CFAP47: variants seen among roughly 807,000 people sequenced by gnomAD.
CFAP47 encodes the protein cilia- and flagella-associated protein 47.
A neutral mutation model predicts 148.1 loss-of-function variants in CFAP47; 29 were observed. The observed-to-expected ratio is 0.20, with a 90% confidence interval of 0.15 to 0.27. The LOEUF (loss-of-function observed/expected upper bound fraction) is 0.27. Ranked by LOEUF, CFAP47 falls within the 10% of genes least tolerant of loss-of-function variation. The pLI, the probability that CFAP47 is intolerant of heterozygous loss-of-function variation, is 1.00. For synonymous variants in CFAP47, 664 were observed against 577.3 expected (o/e 1.15, Z -2.15); for missense variants, 1,872 against 1,697.5 (o/e 1.10, Z -1.81).
intron 42 of CFAP47, among the ~76,000 whole-genome samples, chrX:36,197,448 T>G (rs187900177): frequency 8.9e-6 from 1 of 112,512 alleles, no homozygotes; most frequent in African/African-American, 3.2e-5. Flanking sequence ...ACATTTTATT[T>G]TTGATAAAAC....
chrX:36,111,243 A>G (rs905195312), intron 33 of CFAP47, among the ~76,000 whole-genome samples: 10 of 111,470 alleles, frequency 9.0e-5, no homozygotes, highest in Non-Finnish European at 1.5e-4. Flanking sequence ...TGGGTTTAAT[A>G]TAGAGAGCTC....
Position 35,953,687 on chromosome X carries a change from T to G in CFAP47, c.1142T>G (p.Phe381Cys), listed in dbSNP as rs887277046. The change falls in exon 7 of 64, where the codon TTT becomes TGT. Residue 381 changes from phenylalanine to cysteine, a missense_variant. Physicochemically the swap from Phe to Cys is radical, Grantham distance 205. Transcript: ENST00000378653. ...RFESVGSKDG[F>C]LRDDDYKTIK... ...GAGTCCGTAGGAAGTAAAGATGGAT[T>G]TTTGAGAGATGATGACTATAAAACC... 6.7e-6 allele frequency: 8 copies of G among 1,201,327 alleles called. No individual in the cohort carries two copies. The highest frequency in any genetic ancestry group is 7.9e-6 in the Non-Finnish European group (7 of 887,562).
At chrX:36,166,042 C>A (rs1939485223) in intron 39 of CFAP47, among the ~76,000 whole-genome samples, 1 of 111,274 alleles carries the variant, frequency 9.0e-6, no homozygotes, top group Non-Finnish European at 1.9e-5. Flanking sequence ...AAGTATATAT[C>A]TATAGTTTTT....
At chrX:36,319,683 TA>T (rs1234553596) in intron 57 of CFAP47, among the ~76,000 whole-genome samples, 1 of 111,297 alleles carries the variant, frequency 9.0e-6, no homozygotes, top group African/African-American at 3.3e-5. Context: ...TTGATAGTAA[TA>T]AAAAGTAGTA....
At chrX:35,945,443 T>C (rs1936071504) in intron 3 of CFAP47, among the ~76,000 whole-genome samples, 1 of 111,046 alleles carries the variant, frequency 9.0e-6, no homozygotes, top group South Asian at 3.8e-4. Flanking sequence ...CTTCACTGAC[T>C]ACTCCTAGAT....
At chrX:36,208,557 A>G (rs782031293) in intron 45 of CFAP47, among the ~76,000 whole-genome samples, 12 of 111,994 alleles carry the variant, frequency 1.1e-4, no homozygotes, top group East Asian at 2.8e-4. Flanking sequence ...GTGTTGTTCA[A>G]TGGTCAACTG....
At chrX:36,370,859 C>T (rs781948434) in intron 62 of CFAP47, among the ~76,000 whole-genome samples, 4 of 110,986 alleles carry the variant, frequency 3.6e-5, no homozygotes, top group South Asian at 3.8e-4. Flanking sequence ...TGAAAAGGAA[C>T]GACCCCCTGT....
chrX:36,343,692 C>T (rs1941671987), intron 57 of CFAP47, among the ~76,000 whole-genome samples: 1 of 111,710 alleles, frequency 9.0e-6, no homozygotes, highest in African/African-American at 3.3e-5. Context: ...AAATGCCCAT[C>T]AATGATAGAT....
intron 29 of CFAP47, among the ~76,000 whole-genome samples, chrX:36,083,487 A>G (rs980091662): frequency 4.5e-5 from 5 of 111,680 alleles, no homozygotes; most frequent in Non-Finnish European, 7.6e-5. Context: ...TTCATACTGT[A>G]AACAGTGTCC....
chrX:36,098,764 T>TA (rs1938322529), intron 30 of CFAP47, 29 bp from the exon 31 acceptor site: 2 of 843,126 alleles, frequency 2.4e-6, no homozygotes, highest in Non-Finnish European at 3.4e-6. Context: ...TATTATATTA[T>TA]AATTTGAGTT....
Position 36,137,959 on chromosome X carries a change from T to C in CFAP47, c.5322T>C (p.Asp1774=), listed in dbSNP as rs373146541. 8.9e-6 allele frequency: 6 copies of C among 675,184 alleles called. No homozygotes were observed. In the African/African-American group the frequency reaches 1.3e-4, roughly 15 times the overall value. The allele number at this position is 675,184 out of a possible 1,213,427, so 55.6% of individuals were successfully genotyped here. ...RHVIWKNCHK[D]VIPSERWIVN... ...TACTCTCCCTCTTTTTTGAAACAGA[T>C]GTTATCCCTTCTGAGAGATGGATAG... Residue 1774 remains aspartate, a splice_region_variant and synonymous_variant, in exon 34 of 64, where the codon GAT becomes GAC. Transcript: ENST00000378653.
intron 20 of CFAP47, among the ~76,000 whole-genome samples, chrX:36,000,900 C>T (rs1447859678): frequency 9.0e-6 from 1 of 111,378 alleles, no homozygotes; most frequent in Non-Finnish European, 1.9e-5. Flanking sequence ...CAAATATGAG[C>T]CATCACCTGT....
At chrX:35,973,432 G>A (rs1022358175) in intron 13 of CFAP47, among the ~76,000 whole-genome samples, 3 of 111,388 alleles carry the variant, frequency 2.7e-5, no homozygotes, top group East Asian at 2.8e-4. Flanking sequence ...CTCGTGATCC[G>A]CCCGCCTCGG....
At position 36,160,590 on chromosome X, in the gene CFAP47, C is replaced by T. The variant is rs183785021; in HGVS notation, c.5938-91C>T. ...TACTGTCAGTGTAATATTAAATGGA[C>T]GGTTTATAGATTTTTAAGATTATAT... On this transcript the variant is annotated intron_variant, in intron 38 of 63. Coordinates refer to ENST00000378653, the MANE Select transcript of CFAP47 (RefSeq NM_001304548.2). 1.9e-3 allele frequency: 503 copies of T among 270,989 alleles called. 4 individuals carry two copies. Among genetic ancestry groups the T allele is most frequent in the African/African-American group, 0.012 (445 of 35,616 alleles). The allele number at this position is 270,989 out of a possible 1,213,427, so 22.3% of individuals were successfully genotyped here.
intron 45 of CFAP47, among the ~76,000 whole-genome samples, chrX:36,215,430 G>A (rs782379911): frequency 9.1e-6 from 1 of 110,352 alleles, no homozygotes; most frequent in African/African-American, 3.3e-5. Context: ...CTGAGCATGG[G>A]GGCAGGTCTG....
At chrX:36,070,111 A>T (rs1490664092) in intron 27 of CFAP47, among the ~76,000 whole-genome samples, 1 of 112,031 alleles carries the variant, frequency 8.9e-6, no homozygotes, top group East Asian at 2.8e-4. Context: ...TTGACTACAG[A>T]GTCTCAGGCA....
At chrX:35,953,012 G>A (rs1181582129) in intron 6 of CFAP47, among the ~76,000 whole-genome samples, 1 of 111,935 alleles carries the variant, frequency 8.9e-6, no homozygotes, top group Admixed American at 9.6e-5. Flanking sequence ...GGTAAAAATA[G>A]CCAATGAGCA....
intron 2 of CFAP47, among the ~76,000 whole-genome samples, chrX:35,933,985 T>C (rs992042062): frequency 8.9e-6 from 1 of 111,823 alleles, no homozygotes; most frequent in African/African-American, 3.3e-5. Flanking sequence ...CTTTGACAGA[T>C]GTGTAGTTTG....
chrX:36,293,004 T>C (rs966645870), intron 51 of CFAP47, among the ~76,000 whole-genome samples: 1 of 111,078 alleles, frequency 9.0e-6, no homozygotes, highest in Non-Finnish European at 1.9e-5. Flanking sequence ...AAACACTAAA[T>C]CATCTCATAA....
Sources: gnomAD v4.1 joint callset for allele counts (sites outside exome capture counted in the v4.1 genomes callset) on GRCh38, gnomAD v4.1.1 for gene constraint, MANE v1.5 for transcripts, NCBI Gene and HGNC (gene_info 2026-07-23, HGNC 2026-07-21) for gene names.